TMEM232: variants seen among roughly 807,000 people sequenced by gnomAD.
TMEM232 encodes transmembrane protein 232.
A neutral mutation model predicts 78.8 loss-of-function variants in TMEM232; 80 were observed. The observed-to-expected ratio is 1.01, with a 90% CI of 0.85 to 1.22. The LOEUF (loss-of-function observed/expected upper bound fraction) is 1.22, where lower values mean the gene tolerates loss of function less well. Among genes scored for constraint, TMEM232 ranks in the 50% most tolerant of loss-of-function variants. The probability of loss-of-function intolerance (pLI) is 0.00; values close to 1 mark genes in which losing one functional copy is unlikely to be tolerated. For synonymous variants in TMEM232, 297 were observed against 254.3 expected (o/e 1.17, Z -1.60); for missense variants, 881 against 742.2 (o/e 1.19, Z -2.17).
intron 11 of TMEM232, among the ~76,000 whole-genome samples, chr5:110,557,110 T>G (rs986677835): frequency 2.6e-5 from 4 of 152,190 alleles, no homozygotes; most frequent in Admixed American, 6.5e-5. Context: ...CTGAGTTGAC[T>G]TGAAGAACTC....
chr5:110,652,777 A>G (rs1282534334), intron 2 of TMEM232, among the ~76,000 whole-genome samples: 2 of 152,190 alleles, frequency 1.3e-5, no homozygotes, highest in Admixed American at 1.3e-4. Flanking sequence ...AAGTAAATAC[A>G]GGCATTTCAA....
intron 12 of TMEM232, among the ~76,000 whole-genome samples, chr5:110,487,293 C>T (rs1288971242): frequency 2.0e-5 from 3 of 152,002 alleles, no homozygotes; most frequent in African/African-American, 7.2e-5. Flanking sequence ...GATTTGGATG[C>T]CCTTTATTTC....
intron 10 of TMEM232, among the ~76,000 whole-genome samples, chr5:110,573,518 G>T (rs1288849651): frequency 6.6e-6 from 1 of 152,032 alleles, no homozygotes; most frequent in African/African-American, 2.4e-5. Context: ...CTAGATGCCA[G>T]CCACTGTTCT....
intron 11 of TMEM232, among the ~76,000 whole-genome samples, chr5:110,530,156 T>A (rs1462307930): frequency 6.6e-6 from 1 of 152,212 alleles, no homozygotes; most frequent in Non-Finnish European, 1.5e-5. Context: ...ATTGAATTAT[T>A]TAGACAAAAG....
intron 8 of TMEM232, among the ~76,000 whole-genome samples, chr5:110,610,864 G>C (rs1186884418): frequency 6.6e-6 from 1 of 152,076 alleles, no homozygotes; most frequent in Non-Finnish European, 1.5e-5. Flanking sequence ...AAGAAATGGT[G>C]ATAAATGTTA....
chr5:110,587,687 ATATATGTGTGTGTGTGTGTGTGTGTG>A (rs1215311277), intron 10 of TMEM232, among the ~76,000 whole-genome samples: 7 of 78,208 alleles, frequency 9.0e-5, no homozygotes, highest in African/African-American at 5.4e-4. Flanking sequence ...ATATATATAT[ATATATGTGTGTGTGTGTGTGTGTGTG>A]TGTGTGTGTG....
intron 12 of TMEM232, among the ~76,000 whole-genome samples, chr5:110,511,007 C>A (rs1767664752): frequency 6.6e-6 from 1 of 152,086 alleles, no homozygotes; most frequent in Admixed American, 6.6e-5. Flanking sequence ...ATGTTTATTG[C>A]AGCACTATTC....
chr5:110,551,128 AT>A (rs1393913588), intron 11 of TMEM232, among the ~76,000 whole-genome samples: 2 of 152,190 alleles, frequency 1.3e-5, no homozygotes, highest in Non-Finnish European at 1.5e-5. Flanking sequence ...CTAATCTAGA[AT>A]ATGAATAAGC....
chr5:110,643,640 G>T (rs1787061719), intron 2 of TMEM232, among the ~76,000 whole-genome samples: 1 of 151,946 alleles, frequency 6.6e-6, no homozygotes, highest in Admixed American at 6.6e-5. Flanking sequence ...CTATTGGAAA[G>T]AATAATCTGA....
At chr5:110,655,778 T>C (rs187047944) in intron 2 of TMEM232, among the ~76,000 whole-genome samples, 135 of 151,508 alleles carry the variant, frequency 8.9e-4, no homozygotes, top group Non-Finnish European at 5.2e-4. Flanking sequence ...AAATTGGAAA[T>C]GATCATTCTC....
chr5:110,610,240 A>AGGAAGGGAGGAAGGG (rs1554057532), intron 8 of TMEM232, among the ~76,000 whole-genome samples: 2 of 70,122 alleles, frequency 2.9e-5, no homozygotes, highest in South Asian at 5.7e-4. Flanking sequence ...AAAAGAAAGG[A>AGGAAGGGAGGAAGGG]AGGAAGGGAG....
intron 10 of TMEM232, among the ~76,000 whole-genome samples, chr5:110,601,764 C>T (rs534776766): frequency 2.0e-5 from 3 of 152,256 alleles, no homozygotes; most frequent in African/African-American, 7.2e-5. Flanking sequence ...CAAGCTACCA[C>T]TGACTTTCCT....
In TMEM232 at chr5:110,503,502, T is replaced by G. The variant is rs139865604; in HGVS notation, c.1703+25086A>C. Among the ~76,000 whole-genome samples the G allele has an allele frequency of 3.4e-3, 524 of 152,230 alleles. 2 individuals are homozygous for G. The highest frequency in any genetic ancestry group is 5.2e-3 in the Non-Finnish European group (356 of 68,008). On this transcript the variant is annotated intron_variant, in intron 12 of 13. Transcript: ENST00000455884. ...ATGTAGATAGTTGCATACCTGAGTATAGTACCGAAGGGAAGATCAGGGTGC... is the reference window on the plus strand; with the variant it reads ...ATGTAGATAGTTGCATACCTGAGTAGAGTACCGAAGGGAAGATCAGGGTGC...
At chr5:110,524,850 T>G (rs1770335409) in intron 12 of TMEM232, among the ~76,000 whole-genome samples, 1 of 152,166 alleles carries the variant, frequency 6.6e-6, no homozygotes, top group Non-Finnish European at 1.5e-5. Flanking sequence ...TATTTATAAT[T>G]GTTATATCTT....
At chr5:110,479,213 C>A (rs561130421) in intron 12 of TMEM232, among the ~76,000 whole-genome samples, 5 of 151,406 alleles carry the variant, frequency 3.3e-5, no homozygotes, top group Non-Finnish European at 7.4e-5. Flanking sequence ...CTTGCCCCTG[C>A]CAAAATACAT....
At chr5:110,449,995 G>T (rs534608866) in intron 12 of TMEM232, among the ~76,000 whole-genome samples, 1 of 152,208 alleles carries the variant, frequency 6.6e-6, no homozygotes, top group East Asian at 1.9e-4. Context: ...GGAGGGAGGT[G>T]ATTGGATCAT....
At chr5:110,523,773 G>A (rs1188292264) in intron 12 of TMEM232, among the ~76,000 whole-genome samples, 1 of 151,850 alleles carries the variant, frequency 6.6e-6, no homozygotes, top group African/African-American at 2.4e-5. Flanking sequence ...GGCAATATAA[G>A]TAGGCCCTGT....
chr5:110,721,918 T>C (rs1325797654), intron 1 of TMEM232, among the ~76,000 whole-genome samples: 2 of 151,712 alleles, frequency 1.3e-5, no homozygotes, highest in Non-Finnish European at 2.9e-5. Context: ...TGCATTTATG[T>C]TGCCTAGCAG....
At chr5:110,413,077 C>T (rs311715) in intron 2 of TMEM232, among the ~76,000 whole-genome samples, 41,791 of 151,736 alleles carry the variant, frequency 0.28, 9,552 homozygotes, top group African/African-American at 0.62. Context: ...GCTGTGAGGA[C>T]GTTGCCAAAG....
Sources: allele counts gnomAD v4.1 joint callset (sites outside exome capture counted in the v4.1 genomes callset), GRCh38; gene constraint gnomAD v4.1.1; transcripts MANE v1.5; gene names NCBI Gene and HGNC (gene_info 2026-07-23, HGNC 2026-07-21).